ZMYND8: variants seen among roughly 807,000 people sequenced by gnomAD.
ZMYND8 encodes MYND-type zinc finger-containing chromatin reader ZMYND8.
Under a neutral mutation model 140.8 loss-of-function variants are expected in ZMYND8, and 37 were observed. The ratio of observed to expected loss-of-function variants is 0.26; its 90% CI spans 0.20 to 0.35. The LOEUF is 0.35. Ranked by LOEUF, ZMYND8 falls within the 10% of genes least tolerant of loss-of-function variation. The pLI is 1.00. For missense variants in ZMYND8, 1,068 were observed against 1,570.0 expected, an observed-to-expected ratio of 0.68 and a Z score of 5.40; for synonymous variants, 592 against 597.1, an observed-to-expected ratio of 0.99 and a Z score of 0.12.
intron 2 of ZMYND8, among the ~76,000 whole-genome samples, chr20:47,328,959 T>A (rs2080702854): frequency 6.6e-6 from 1 of 152,184 alleles, no homozygotes; most frequent in Admixed American, 6.6e-5. Flanking sequence ...CCCTGGCATA[T>A]CCTGTGGAAC....
At chr20:47,274,075 A>G (rs1470689491) in intron 11 of ZMYND8, among the ~76,000 whole-genome samples, 1 of 22,354 alleles carries the variant, frequency 4.5e-5, no homozygotes, top group South Asian at 1.5e-3. Flanking sequence ...AGAATGAGGT[A>G]TATTTTTCCA....
chr20:47,264,570 C>T (rs2075373327), intron 11 of ZMYND8, among the ~76,000 whole-genome samples: 1 of 152,180 alleles, frequency 6.6e-6, no homozygotes, highest in Non-Finnish European at 1.5e-5. Flanking sequence ...AGTCACTGTG[C>T]CCAGCCTATA....
In ZMYND8 at chr20:47,270,943, G is replaced by T. The variant is rs562957651; in HGVS notation, c.1480+5371C>A. Among the ~76,000 whole-genome samples the T allele has an allele frequency of 4.5e-4, 69 of 152,008 alleles. 1 individual carries two copies. In the South Asian group the frequency reaches 0.014, roughly 31 times the overall value. ...ATACAAAAAATTAGCCGGGCGTGGC[G>T]GCAGGCACCTGTAGTCCCAGCTACT... On this transcript the variant is annotated intron_variant, in intron 11 of 22. Transcript: ENST00000471951.
intron 11 of ZMYND8, among the ~76,000 whole-genome samples, chr20:47,267,572 C>T (rs901687490): frequency 1.3e-5 from 2 of 152,088 alleles, no homozygotes; most frequent in African/African-American, 4.8e-5. Context: ...AAGCACTTCC[C>T]ACAGGTCTCC....
intron 2 of ZMYND8, among the ~76,000 whole-genome samples, chr20:47,328,482 T>A (rs1468513164): frequency 6.6e-6 from 1 of 152,122 alleles, no homozygotes; most frequent in Non-Finnish European, 1.5e-5. Context: ...AATTCTTTTT[T>A]TTTTCGAGAC....
intron 12 of ZMYND8, among the ~76,000 whole-genome samples, chr20:47,256,358 G>A (rs900850953): frequency 3.9e-5 from 6 of 152,154 alleles, no homozygotes; most frequent in Admixed American, 1.3e-4. Context: ...AGTGGCTCAC[G>A]CCTGTAATCC....
At chr20:47,256,434 A>G (rs1260660701) in intron 12 of ZMYND8, among the ~76,000 whole-genome samples, 1 of 152,060 alleles carries the variant, frequency 6.6e-6, no homozygotes, top group East Asian at 1.9e-4. Flanking sequence ...CCTGGCTAAC[A>G]CAGTGAAACC....
chr20:47,239,259 C>T lies in ZMYND8; in HGVS notation c.2285-121G>A, dbSNP rs1334214954. ...GAAAGCCAGGAATGCCGAACCAATT[C>T]GACGTGCCAAGCACACCGCGCTGGA... On this transcript the variant is annotated intron_variant, in intron 14 of 22. Transcript: ENST00000471951. 7.6e-6 allele frequency: 10 copies of T among 1,321,476 alleles called. No individual in the cohort carries two copies. The Admixed American group carries it at 8.2e-5, about 11-fold the overall frequency. 81.9% of individuals were successfully genotyped at this position (1,321,476 alleles called of 1,614,324 possible). A position where few individuals can be genotyped will look rare whatever the true frequency, so the allele number is the denominator to read the frequency against.
chr20:47,303,297 T>A (rs2078217214), intron 3 of ZMYND8, among the ~76,000 whole-genome samples: 1 of 152,176 alleles, frequency 6.6e-6, no homozygotes, highest in South Asian at 2.1e-4. Context: ...TTTTCAGAAC[T>A]ATTTCTACCC....
At chr20:47,355,471 G>T in intron 1 of ZMYND8, 3 of 985,376 alleles carry the variant, frequency 3.0e-6, no homozygotes, top group Non-Finnish European at 2.4e-6. Flanking sequence ...TCAAGCAACC[G>T]TCTCATTTTT....
In ZMYND8 at chr20:47,217,899, G is replaced by A. The variant is rs866706015; in HGVS notation, c.3484+2359C>T. 8.1e-5 allele frequency among the ~76,000 whole-genome samples: 12 copies of A among 149,016 alleles called. No homozygotes were observed. In the South Asian group the frequency reaches 1.3e-3, roughly 16 times the overall value. ...CCCCCTCTTCCCCCCACCATTTACT[G>A]GGGCTTCTTGCCTCCTCTCCCTTCC... On this transcript the variant is annotated intron_variant, in intron 21 of 22. Transcript: ENST00000471951.
chr20:47,342,319 C>A (rs1018152604), intron 2 of ZMYND8, among the ~76,000 whole-genome samples: 5 of 151,444 alleles, frequency 3.3e-5, no homozygotes, highest in Admixed American at 1.3e-4. Context: ...CCGAGGCGGG[C>A]GGATTACCTG....
At chr20:47,324,310 A>C (rs959225521) in intron 2 of ZMYND8, among the ~76,000 whole-genome samples, 2 of 151,920 alleles carry the variant, frequency 1.3e-5, no homozygotes, top group African/African-American at 4.8e-5. Flanking sequence ...TGAAGTCAGG[A>C]GTTCGAGACC....
chr20:47,282,275 T>G (rs983663596), intron 9 of ZMYND8, 58 bp from the exon 10 acceptor site: 36 of 1,461,542 alleles, frequency 2.5e-5, no homozygotes, highest in Non-Finnish European at 3.0e-5. Context: ...AGATACTCAC[T>G]AAAGTTTGGT....
intron 15 of ZMYND8, chr20:47,238,492 T>G: frequency 1.8e-6 from 1 of 561,036 alleles, no homozygotes; most frequent in Non-Finnish European, 3.1e-6. Context: ...CAGACTTTTA[T>G]GTAAAACTTT....
At chr20:47,287,837 A>AAC (rs757119050) in intron 7 of ZMYND8, among the ~76,000 whole-genome samples, 5 of 89,868 alleles carry the variant, frequency 5.6e-5, no homozygotes, top group Non-Finnish European at 8.3e-5. Flanking sequence ...AGAAAAAAAC[A>AAC]ACACACACAC....
At chr20:47,331,775 A>C (rs916104155) in intron 2 of ZMYND8, among the ~76,000 whole-genome samples, 7 of 152,190 alleles carry the variant, frequency 4.6e-5, no homozygotes, top group African/African-American at 1.7e-4. Flanking sequence ...AGCGCAGCAG[A>C]TGAGGATGGA....
chr20:47,335,398 T>C (rs1020971976), intron 2 of ZMYND8, among the ~76,000 whole-genome samples: 1 of 152,016 alleles, frequency 6.6e-6, no homozygotes, highest in African/African-American at 2.4e-5. Context: ...TGAAGGGGGC[T>C]TATTATCATT....
At chr20:47,355,993 G>A (rs2083202406) in intron 1 of ZMYND8, among the ~76,000 whole-genome samples, 1 of 152,056 alleles carries the variant, frequency 6.6e-6, no homozygotes, top group Admixed American at 6.5e-5. Flanking sequence ...AAGTGCAGAA[G>A]CTCTGTAGAA....
Sources: allele counts gnomAD v4.1 joint callset (sites outside exome capture counted in the v4.1 genomes callset), GRCh38; gene constraint gnomAD v4.1.1; transcripts MANE v1.5; gene names NCBI Gene and HGNC (gene_info 2026-07-23, HGNC 2026-07-21).